Variants in PLCB3 observed in about 807,000 individuals in gnomAD.
PLCB3 encodes 1-phosphatidylinositol 4,5-bisphosphate phosphodiesterase beta-3.
In PLCB3, 54 loss-of-function variants were observed where a neutral mutation model predicts 152.1. The observed-to-expected ratio is 0.36, with a 90% CI of 0.29 to 0.45. The LOEUF is 0.45. Ranked by LOEUF, PLCB3 falls within the 20% of genes least tolerant of loss-of-function variation. PLCB3 has a pLI of 1.00. For synonymous variants in PLCB3, 717 were observed against 698.7 expected, an observed-to-expected ratio of 1.03 and a Z score of -0.41; for missense variants, 1,248 against 1,687.5, an observed-to-expected ratio of 0.74 and a Z score of 4.56.
In PLCB3 at chr11:64,258,865, C is replaced by T. The variant is rs1414687999; in HGVS notation, c.1254-20C>T. On this transcript the variant is annotated intron_variant, in intron 11 of 30. Transcript: ENST00000279230. This position sits in a 1 kb window ranked among gnomAD's most constrained non-coding sequence, Gnocchi z 7.2. Reference sequence around the variant, plus strand: ...CCTCTCTGGGGGAGGGATCTCTGACCTCTGACCTCGGTTCCGCAGGGCAAA... The same window carrying T: ...CCTCTCTGGGGGAGGGATCTCTGACTTCTGACCTCGGTTCCGCAGGGCAAA... 4 of 1,613,748 alleles carry T rather than the reference C, an allele frequency of 2.5e-6. No individual in the cohort carries two copies. The highest frequency in any genetic ancestry group is 1.1e-5 in the South Asian group (1 of 91,082).
chr11:64,263,814 G>T lies in PLCB3; in HGVS notation c.2560+19G>T. On this transcript the variant is annotated intron_variant, in intron 21 of 30. Transcript: ENST00000279230. ...CACCAGGGTGAGCTGGGGGTGGGCG[G>T]GGCCTGCCTGGCCAGGGAGTGTGAG... 1.3e-6 allele frequency: 2 copies of T among 1,595,040 alleles called. No homozygotes were observed.
chr11:64,260,032 C>T lies in PLCB3; in HGVS notation c.1529C>T (p.Ser510Phe), dbSNP rs756253988. The change falls in exon 14 of 31, where the codon TCT becomes TTT. Residue 510 changes from serine (S) to phenylalanine (F), a missense_variant. Physicochemically the swap from Ser to Phe is radical, Grantham distance 155 (BLOSUM62 -2). Around this residue, in one of 6 missense-constraint regions of PLCB3, gnomAD observed 105 missense variants for 100.9 expected, o/e 1.04. Transcript: ENST00000279230. ...ATEPSSPQLG[S>F]PSSDSCPGLS... ...CCTGTGGCCCTGTCCTCTGCAGGGT[C>T]TCCCAGCTCTGACAGCTGCCCAGGC... The T allele has an allele frequency of 1.2e-6, 2 of 1,610,286 alleles. No homozygotes were observed. Among genetic ancestry groups the T allele is most frequent in the Admixed American group, 1.7e-5 (1 of 59,202 alleles).
chr11:64,263,976 C>A, intron 21 of PLCB3, 45 bp from the exon 22 acceptor site: 1 of 1,472,300 alleles, frequency 6.8e-7, no homozygotes, highest in Non-Finnish European at 9.3e-7. Context: ...TGGGGGTGGC[C>A]TGGGGGCTCT....
chr11:64,260,092 C>G lies in PLCB3; in HGVS notation c.1589C>G (p.Pro530Arg). 1 of 1,612,194 alleles carries G rather than the reference C, an allele frequency of 6.2e-7. No homozygotes were observed. Among genetic ancestry groups the G allele is most frequent in the South Asian group, 1.1e-5 (1 of 90,830 alleles). Residue 530 changes from proline (P) to arginine (R), a missense_variant, in exon 14 of 31, where the codon CCC becomes CGC. Pro to Arg is a moderately radical substitution (Grantham distance 103). This residue lies in a region of PLCB3 where 105 missense variants were observed against 100.9 expected (regional missense o/e 1.04). Coordinates refer to ENST00000279230, the MANE Select transcript of PLCB3 (RefSeq NM_000932.5). ...GGGGAGGAGGTAGGGCTTGAGAAGC[C>G]CAGCCTGGAGCCTCAGAAGTCTCTG... ...SNGEEVGLEK[P>R]SLEPQKSLGD...
chr11:64,261,113 T>C (rs1443013802), intron 14 of PLCB3, among the ~76,000 whole-genome samples: 1 of 152,056 alleles, frequency 6.6e-6, no homozygotes, highest in East Asian at 1.9e-4. Flanking sequence ...CAGACCAGCC[T>C]GGCCAACATG....
chr11:64,262,506 A>ACC lies in PLCB3; in HGVS notation c.2141_2142dup (p.Phe715ProfsTer19). 1 of 1,613,624 alleles carries ACC rather than the reference A, an allele frequency of 6.2e-7. No homozygotes were observed. The highest frequency in any genetic ancestry group is 8.5e-7 in the Non-Finnish European group (1 of 1,179,962). On this transcript the variant is annotated frameshift_variant, in exon 18 of 31. Coordinates refer to ENST00000279230, the MANE Select transcript of PLCB3 (RefSeq NM_000932.5). LOFTEE classifies it high-confidence loss of function. ...ATGCGGCGGCCGGACAAGTCCTTCG[A>ACC]CCCCTTCACTGAGGTCATCGTGGAT...
rs374574826 is a variant in PLCB3, at chr11:64,255,844, A to T, written c.698+23A>T. The stretch of plus-strand genomic sequence containing the variant: ...GATGTGAGTGGGCCCGGCCTGCCTC[A>T]CAACCCCTGTGCTCTGTGTTTAGCT... On this transcript the variant is annotated intron_variant, in intron 8 of 30. Coordinates refer to ENST00000279230, the MANE Select transcript of PLCB3 (RefSeq NM_000932.5). This position sits in a 1 kb window ranked among gnomAD's most constrained non-coding sequence, Gnocchi z 6.8. 59 of 1,506,064 alleles carry T rather than the reference A, an allele frequency of 3.9e-5. No homozygotes were observed. In the South Asian group the frequency reaches 6.0e-4, roughly 15 times the overall value. The allele number at this position is 1,506,064 out of a possible 1,614,324, so 93.3% of individuals were successfully genotyped here.
rs143307572 is a variant in PLCB3, at chr11:64,262,766, G to A, written c.2313G>A (p.Ser771=). ...GCACCCGGACCTCTCAGGGGAACTC[G>A]TTCAACCCCGTGTGGGACGAAGAGC... ...KYRTRTSQGN[S]FNPVWDEEPF... is the part of the protein sequence containing the mutation. The change falls in exon 19 of 31, where the codon TCG becomes TCA. Residue 771 remains serine (S), a synonymous_variant. Coordinates refer to ENST00000279230, the MANE Select transcript of PLCB3 (RefSeq NM_000932.5). The A allele has an allele frequency of 1.2e-5, 19 of 1,613,820 alleles. 1 individual carries two copies. Among genetic ancestry groups the A allele is most frequent in the South Asian group, 3.3e-5 (3 of 91,090 alleles).
At position 64,265,363 on chromosome 11, in the gene PLCB3, C is replaced by T. The variant is rs1338998769; in HGVS notation, c.2896C>T (p.Leu966Phe). The change falls in exon 25 of 31, where the codon CTC (leucine) becomes TTC (phenylalanine). Residue 966 changes from leucine (L) to phenylalanine (F), a missense_variant. Transcript: ENST00000279230. ...ELRGHKALVK[L>F]RSRQERDLRE... ...CCGAGGTCACAAGGCTCTGGTCAAG[C>T]TCCGGAGCCGGCAAGAGCGAGACCT... 2 of 1,611,706 alleles carry T rather than the reference C, an allele frequency of 1.2e-6. No homozygotes were observed. The highest frequency in any genetic ancestry group is 3.3e-5 in the Admixed American group (2 of 59,936).
rs995583292 is a variant in PLCB3 at position 64,266,275 on chromosome 11, C to T, written c.3267-40C>T. The T allele has an allele frequency of 1.3e-5, 21 of 1,613,730 alleles. No individual in the cohort carries two copies. The highest frequency in any genetic ancestry group is 1.8e-5 in the Non-Finnish European group (21 of 1,179,940). The stretch of plus-strand genomic sequence containing the variant: ...CAGAAGGAGGGCAGAGTCTGTGCTT[C>T]TGCCGCTGACCCCTCCTCTTCCCCT... On this transcript the variant is annotated intron_variant, in intron 27 of 30. Transcript: ENST00000279230. The surrounding 1 kb of genome is among the most constrained non-coding windows in gnomAD (Gnocchi z 4.9).
Position 64,256,642 on chromosome 11 carries a change from G to C in PLCB3, c.890G>C (p.Ser297Thr). Reference protein sequence around the residue: ...ERDQMSMEGFSRYLGGEENGI... With the variant: ...ERDQMSMEGFTRYLGGEENGI... ...GACCAGATGTCCATGGAGGGCTTTA[G>C]CCGCTACCTGGGAGGCGAGGAGAAT... The change falls in exon 10 of 31, where the codon AGC (serine) becomes ACC (threonine). Residue 297 changes from serine to threonine, a missense_variant. Transcript: ENST00000279230. The C allele has an allele frequency of 1.2e-6, 2 of 1,614,194 alleles. No individual in the cohort carries two copies. Among genetic ancestry groups the C allele is most frequent in the Non-Finnish European group, 1.7e-6 (2 of 1,180,032 alleles).
chr11:64,264,836 G>A lies in PLCB3; in HGVS notation c.2653-115G>A, dbSNP rs1026098368. ...TCCTGTTACAGAGCAGTCCAGCAGT[G>A]GCTTGGACTAAGGGAGGCTGACAGG... On this transcript the variant is annotated intron_variant, in intron 22 of 30. Coordinates refer to ENST00000279230, the MANE Select transcript of PLCB3 (RefSeq NM_000932.5). 5 of 921,492 alleles carry A rather than the reference G, an allele frequency of 5.4e-6. No individual in the cohort carries two copies. The African/African-American group carries it at 8.1e-5, about 15-fold the overall frequency. 57.1% of individuals were successfully genotyped at this position (921,492 alleles called of 1,614,324 possible).
chr11:64,254,179 C>T (rs2031387083), intron 1 of PLCB3, among the ~76,000 whole-genome samples: 1 of 152,008 alleles, frequency 6.6e-6, no homozygotes, highest in Non-Finnish European at 1.5e-5. Flanking sequence ...ATCCTAGGGC[C>T]AGAGGGAGGT....
Position 64,267,888 on chromosome 11 carries a change from GA to G in PLCB3, c.*333del, listed in dbSNP as rs2032212341. ...CACATTTTTTTCTCTATTCTTTGGG[GA>G]TTTTTTTTACATGAATAAAAGTGGA... On this transcript the variant is annotated 3_prime_UTR_variant, in exon 31 of 31. Coordinates refer to ENST00000279230, the MANE Select transcript of PLCB3 (RefSeq NM_000932.5). This position sits in a 1 kb window ranked among gnomAD's most constrained non-coding sequence, Gnocchi z 5.2. 1.3e-5 allele frequency: 4 copies of G among 308,850 alleles called. No individual in the cohort carries two copies. The South Asian group carries it at 2.6e-4, about 20-fold the overall frequency. The allele number at this position is 308,850 out of a possible 1,614,324, so 19.1% of individuals were successfully genotyped here.
At chr11:64,259,586 C>T (rs746145435) in intron 13 of PLCB3, among the ~76,000 whole-genome samples, 51 of 152,112 alleles carry the variant, frequency 3.4e-4, no homozygotes, top group Non-Finnish European at 5.9e-4. Flanking sequence ...CCCCTAAGCC[C>T]GCATTGAGTT....
chr11:64,264,233 T>G, intron 22 of PLCB3, 121 bp downstream of exon 22: 2 of 615,052 alleles, frequency 3.3e-6, no homozygotes, highest in East Asian at 3.0e-5. Context: ...TTGGCAGCCC[T>G]GGGATTTTGA....
chr11:64,265,600 AC>A (rs1275370064), intron 25 of PLCB3, 98 bp downstream of exon 25: 2 of 1,467,334 alleles, frequency 1.4e-6, no homozygotes, highest in Non-Finnish European at 9.0e-7. Flanking sequence ...CTGCTCCTTG[AC>A]CCCCAGGGAG....
At position 64,267,179 on chromosome 11, in the gene PLCB3, C is replaced by A; in HGVS notation, c.3415-6C>A. ...CCCTCAGCTGAGCCCTTGCCCACCC[C>A]TGTAGCTGGAGGAGGCCCAGAAGCA... On this transcript the variant is annotated splice_region_variant and splice_polypyrimidine_tract_variant and intron_variant, in intron 29 of 30. Transcript: ENST00000279230. This position sits in a 1 kb window ranked among gnomAD's most constrained non-coding sequence, Gnocchi z 5.2. 2 of 1,549,826 alleles carry A rather than the reference C, an allele frequency of 1.3e-6. No individual in the cohort carries two copies. Among genetic ancestry groups the A allele is most frequent in the Non-Finnish European group, 1.7e-6 (2 of 1,146,914 alleles).
chr11:64,268,198 C>T (rs781530789), downstream of PLCB3, among the ~76,000 whole-genome samples: 2 of 152,216 alleles, frequency 1.3e-5, no homozygotes, highest in Non-Finnish European at 2.9e-5. Flanking sequence ...CAGGCCTCTG[C>T]TTCAGGAAGC....
Sources: gnomAD v4.1 joint callset for allele counts (sites outside exome capture counted in the v4.1 genomes callset) on GRCh38, gnomAD v4.1.1 for gene constraint, gnomAD v4.1.1 regional missense constraint, Gnocchi (gnomAD v3.1) non-coding constraint, MANE v1.5 for transcripts, NCBI Gene and HGNC (gene_info 2026-07-23, HGNC 2026-07-21) for gene names.